Variants in MOB3B observed in about 807,000 individuals in gnomAD.
The protein encoded by MOB3B is MOB kinase activator-like 2B.
Under a neutral mutation model 18.7 loss-of-function variants are expected in MOB3B, and 7 were observed. The ratio of observed to expected loss-of-function variants is 0.37; its 90% CI spans 0.21 to 0.70. The LOEUF is 0.70. MOB3B is among the 30% of genes least tolerant of loss of function. The probability of loss-of-function intolerance (pLI) is 0.52; values close to 1 mark genes in which losing one functional copy is unlikely to be tolerated. For missense variants in MOB3B, 253 were observed against 281.3 expected, an observed-to-expected ratio of 0.90 and a Z score of 0.72; for synonymous variants, 111 against 99.9, an observed-to-expected ratio of 1.11 and a Z score of -0.66.
chr9:27,518,116 A>ACCTTTCTTTGT (rs1658668251), intron 1 of MOB3B, among the ~76,000 whole-genome samples: 1 of 152,180 alleles, frequency 6.6e-6, no homozygotes, highest in Non-Finnish European at 1.5e-5. Flanking sequence ...CTATCATAAT[A>ACCTTTCTTTGT]CCTTTCTTTG....
At chr9:27,341,693 C>T (rs76994122) in intron 3 of MOB3B, among the ~76,000 whole-genome samples, 3,263 of 152,228 alleles carry the variant, frequency 0.021, 50 homozygotes, top group Non-Finnish European at 0.037. Context: ...ACTTTGTGCC[C>T]GACTCTGTCA....
intron 3 of MOB3B, among the ~76,000 whole-genome samples, chr9:27,337,332 C>A (rs998282589): frequency 6.6e-6 from 1 of 152,238 alleles, no homozygotes; most frequent in African/African-American, 2.4e-5. Flanking sequence ...TTAGTTTCTT[C>A]TGTGATGGCT....
intron 1 of MOB3B, among the ~76,000 whole-genome samples, chr9:27,465,992 C>G (rs545833181): frequency 6.6e-6 from 1 of 152,290 alleles, no homozygotes; most frequent in East Asian, 1.9e-4. Flanking sequence ...AGACATTTTC[C>G]CCATGGTCTT....
chr9:27,397,162 G>C (rs1275705633), intron 2 of MOB3B: 1 of 152,188 alleles, frequency 6.6e-6, no homozygotes, highest in Non-Finnish European at 1.5e-5. Context: ...GCAGGAAGAA[G>C]GATAGCGCTG....
At chr9:27,361,962 GCCCTTATAGCCAGCCC>G (rs1247464707) in intron 2 of MOB3B, among the ~76,000 whole-genome samples, 3 of 152,146 alleles carry the variant, frequency 2.0e-5, no homozygotes, top group Non-Finnish European at 4.4e-5. Context: ...TATCTGTGTG[GCCCTTATAGCCAGCCC>G]CCCTACCCTC....
At chr9:27,400,204 A>T (rs910824383) in intron 2 of MOB3B, among the ~76,000 whole-genome samples, 1 of 152,266 alleles carries the variant, frequency 6.6e-6, no homozygotes, top group African/African-American at 2.4e-5. Context: ...AATGATAGAT[A>T]TAAATAACTT....
intron 1 of MOB3B, among the ~76,000 whole-genome samples, chr9:27,489,077 C>T (rs374993014): frequency 5.3e-5 from 8 of 152,306 alleles, no homozygotes; most frequent in African/African-American, 1.2e-4. Context: ...TGGATACTGC[C>T]GCCTGGTCTT....
chr9:27,415,716 T>C (rs1822135647), intron 2 of MOB3B, among the ~76,000 whole-genome samples: 1 of 152,042 alleles, frequency 6.6e-6, no homozygotes, highest in Admixed American at 6.6e-5. Flanking sequence ...ATGGAAAAGG[T>C]CCTAGCTAAT....
chr9:27,470,752 C>T (rs983534940), intron 1 of MOB3B, among the ~76,000 whole-genome samples: 1 of 152,146 alleles, frequency 6.6e-6, no homozygotes, highest in East Asian at 1.9e-4. Flanking sequence ...CCCCTTCTCT[C>T]CTGACCCTTC....
chr9:27,488,575 CTT>C (rs750219064), intron 1 of MOB3B, among the ~76,000 whole-genome samples: 1 of 152,164 alleles, frequency 6.6e-6, no homozygotes, highest in East Asian at 1.9e-4. Context: ...ACTCGGCTAA[CTT>C]TTGTATTTTT....
chr9:27,362,163 C>T (rs1821283476), intron 2 of MOB3B, among the ~76,000 whole-genome samples: 1 of 152,088 alleles, frequency 6.6e-6, no homozygotes, highest in African/African-American at 2.4e-5. Context: ...TTGTCTCTGG[C>T]CTTGAAGGGG....
chr9:27,479,124 C>A (rs1225780715), intron 1 of MOB3B, among the ~76,000 whole-genome samples: 1 of 152,122 alleles, frequency 6.6e-6, no homozygotes, highest in African/African-American at 2.4e-5. Context: ...GACTAATTTA[C>A]ACAGAACAGA....
At position 27,387,937 on chromosome 9, in the gene MOB3B, A is replaced by G. The variant is rs117062014; in HGVS notation, c.419-28701T>C. 4.0e-3 allele frequency among the ~76,000 whole-genome samples: 614 copies of G among 151,922 alleles called. 3 individuals carry two copies. Among genetic ancestry groups the G allele is most frequent in the Non-Finnish European group, 7.0e-3 (479 of 67,996 alleles). On this transcript the variant is annotated intron_variant, in intron 2 of 3. Coordinates refer to ENST00000262244, the MANE Select transcript of MOB3B (RefSeq NM_024761.5). ...CAGCCATGTTTCTCAACTAGAAATG[A>G]TTTTGCCCCCCACAGGCAACATTTG...
At chr9:27,445,559 C>T (rs190552187) in intron 2 of MOB3B, among the ~76,000 whole-genome samples, 263 of 152,302 alleles carry the variant, frequency 1.7e-3, no homozygotes, top group African/African-American at 5.8e-3. Context: ...AAGACAAATG[C>T]CCCTGGCTGC....
chr9:27,524,912 A>G, intron 1 of MOB3B: 4 of 1,609,664 alleles, frequency 2.5e-6, no homozygotes, highest in South Asian at 1.1e-5. Flanking sequence ...AAATCAGAAG[A>G]TGTTTGTATT....
intron 3 of MOB3B, among the ~76,000 whole-genome samples, chr9:27,343,727 C>G (rs1587143213): frequency 8.2e-6 from 1 of 121,570 alleles, no homozygotes; most frequent in Non-Finnish European, 1.6e-5. Flanking sequence ...TTTAGCAGTA[C>G]AGGGCATTTT....
intron 2 of MOB3B, among the ~76,000 whole-genome samples, chr9:27,422,445 G>A (rs1822269470): frequency 1.3e-5 from 2 of 152,170 alleles, no homozygotes; most frequent in Admixed American, 1.3e-4. Flanking sequence ...CTCTAATTCT[G>A]TTGATATAGT....
chr9:27,423,304 A>G (rs1822283387), intron 2 of MOB3B, among the ~76,000 whole-genome samples: 3 of 152,102 alleles, frequency 2.0e-5, no homozygotes, highest in African/African-American at 7.2e-5. Flanking sequence ...TTTGGTAAAT[A>G]TTAATATTAT....
chr9:27,455,973 G>A (rs1268102937), intron 1 of MOB3B, among the ~76,000 whole-genome samples: 2 of 152,198 alleles, frequency 1.3e-5, no homozygotes, highest in Non-Finnish European at 2.9e-5. Flanking sequence ...CATGGCCTTT[G>A]TCAAATCTCT....
Sources: allele counts gnomAD v4.1 joint callset (sites outside exome capture counted in the v4.1 genomes callset), GRCh38; gene constraint gnomAD v4.1.1; transcripts MANE v1.5; gene names NCBI Gene and HGNC (gene_info 2026-07-23, HGNC 2026-07-21).